Variants in LZTFL1 observed in about 807,000 individuals in gnomAD.
LZTFL1 encodes leucine zipper transcription factor like 1, also known as leucine zipper transcription factor-like protein 1.
Under a neutral mutation model 45.9 loss-of-function variants are expected in LZTFL1, and 25 were observed. The observed-to-expected ratio is 0.54, with a 90% confidence interval of 0.40 to 0.76. LZTFL1 has a LOEUF of 0.76. Among genes scored for constraint, LZTFL1 ranks in the 30% least tolerant of loss-of-function variants. LZTFL1 has a pLI of 0.00. For synonymous variants in LZTFL1, 93 were observed against 117.4 expected, an observed-to-expected ratio of 0.79 and a Z score of 1.35; for missense variants, 277 against 331.1, an observed-to-expected ratio of 0.84 and a Z score of 1.27.
chr3:45,901,301 C>T lies in LZTFL1; in HGVS notation c.-215+11819G>A, dbSNP rs1307785201. On this transcript the variant is annotated intron_variant, in intron 2 of 4. Coordinates refer to the LZTFL1 transcript ENST00000472635. The surrounding 1 kb of genome is among the most constrained non-coding windows in gnomAD (Gnocchi z 4.3). The stretch of plus-strand genomic sequence containing the variant: ...TGTACAGCAAAATGGTTTGCTTTAC[C>T]ATCTGGGTATTGGCAGCTGCTCTCT... 3 of 1,614,032 alleles carry T rather than the reference C, an allele frequency of 1.9e-6. No homozygotes were observed. The highest frequency in any genetic ancestry group is 2.5e-6 in the Non-Finnish European group (3 of 1,180,034).
In LZTFL1 at chr3:45,826,144, TTC is replaced by T. The variant is rs1700656663; in HGVS notation, c.*168_*169del. 15 of 623,200 alleles carry T rather than the reference TTC, an allele frequency of 2.4e-5. No homozygotes were observed. Among genetic ancestry groups the T allele is most frequent in the South Asian group, 2.1e-4 (10 of 48,318 alleles). 38.6% of individuals were successfully genotyped at this position (623,200 alleles called of 1,614,324 possible). On this transcript the variant is annotated 3_prime_UTR_variant, in exon 10 of 10. Coordinates refer to ENST00000296135, the MANE Select transcript of LZTFL1 (RefSeq NM_020347.4). The stretch of plus-strand genomic sequence containing the variant: ...GATGACCAGACAGAATCACTAGGTT[TTC>T]TCTGTTTTCAACTAGCTGAAAATAG...
At chr3:45,838,972 A>G (rs1457853266) in intron 1 of LZTFL1, among the ~76,000 whole-genome samples, 1 of 152,252 alleles carries the variant, frequency 6.6e-6, no homozygotes, top group Non-Finnish European at 1.5e-5. Context: ...ATAATTGACT[A>G]CCTACATTAG....
At chr3:45,833,168 C>T in intron 4 of LZTFL1, 47 bp from the exon 5 acceptor site, 1 of 1,291,458 alleles carries the variant, frequency 7.7e-7, no homozygotes. Flanking sequence ...CAGAATAAAG[C>T]ATGTATAATC....
chr3:45,839,925 C>G (rs1701062326), intron 1 of LZTFL1, among the ~76,000 whole-genome samples: 1 of 152,338 alleles, frequency 6.6e-6, no homozygotes, highest in South Asian at 2.1e-4. Flanking sequence ...TGCCTTCCTC[C>G]AAAACCTAGC....
chr3:45,876,431 C>T (rs1004112676), intron 2 of LZTFL1, among the ~76,000 whole-genome samples: 10 of 152,164 alleles, frequency 6.6e-5, no homozygotes, highest in African/African-American at 2.4e-4. Flanking sequence ...TACAGCAATC[C>T]TAGGGAATAG....
At chr3:45,860,226 ATAAG>A (rs1042870661) in intron 2 of LZTFL1, among the ~76,000 whole-genome samples, 14 of 152,304 alleles carry the variant, frequency 9.2e-5, no homozygotes, top group Middle Eastern at 3.4e-3. Context: ...AAATAAATAA[ATAAG>A]TAAGTAAAAT....
At chr3:45,879,934 T>C (rs1701821808) in intron 2 of LZTFL1, among the ~76,000 whole-genome samples, 1 of 152,140 alleles carries the variant, frequency 6.6e-6, no homozygotes, top group African/African-American at 2.4e-5. Flanking sequence ...TCACTAGAAA[T>C]GTTCCCTGGG....
At chr3:45,870,045 GA>G (rs1292682141) in intron 2 of LZTFL1, among the ~76,000 whole-genome samples, 1 of 152,222 alleles carries the variant, frequency 6.6e-6, no homozygotes, top group Non-Finnish European at 1.5e-5. Flanking sequence ...GTATAAACTA[GA>G]AAGTTGTAAT....
At chr3:45,854,961 A>G in intron 4 of LZTFL1, 2 of 1,474,296 alleles carry the variant, frequency 1.4e-6, no homozygotes, top group Non-Finnish European at 1.8e-6. Flanking sequence ...TAATTATAAT[A>G]TGTCAGATGC....
chr3:45,840,983 T>C (rs1701094711), intron 1 of LZTFL1, among the ~76,000 whole-genome samples: 1 of 152,250 alleles, frequency 6.6e-6, no homozygotes, highest in South Asian at 2.1e-4. Context: ...ATGAAGAACC[T>C]GAGCCTGATT....
At chr3:45,839,289 C>T (rs945509472) in intron 1 of LZTFL1, among the ~76,000 whole-genome samples, 2 of 152,076 alleles carry the variant, frequency 1.3e-5, no homozygotes, top group African/African-American at 2.4e-5. Context: ...GGGGTTTCAC[C>T]GTGTCAGCCA....
At chr3:45,913,280 C>A in intron 1 of LZTFL1, 2 of 823,032 alleles carry the variant, frequency 2.4e-6, no homozygotes, top group East Asian at 2.7e-5. Flanking sequence ...TTCATGAGGA[C>A]CTGCCACAAC....
chr3:45,902,035 G>A (rs1702576955), intron 2 of LZTFL1: 2 of 764,062 alleles, frequency 2.6e-6, no homozygotes, highest in Non-Finnish European at 4.1e-6. Context: ...ATGATTACTT[G>A]TAGTCAGAAT....
rs567458160 is a variant in LZTFL1, at chr3:45,826,001, T to C, written c.*313A>G. 2.3e-5 allele frequency: 7 copies of C among 301,708 alleles called. No homozygotes were observed. The highest frequency in any genetic ancestry group is 1.4e-4 in the South Asian group (1 of 7,114). 18.7% of individuals were successfully genotyped at this position (301,708 alleles called of 1,614,324 possible). The stretch of plus-strand genomic sequence containing the variant: ...ACATTTATTAAAAATACAGACTCTT[T>C]ATACTAATGCAGAAGGATAAGCCTC... On this transcript the variant is annotated 3_prime_UTR_variant, in exon 10 of 10. Coordinates refer to ENST00000296135, the MANE Select transcript of LZTFL1 (RefSeq NM_020347.4).
chr3:45,880,575 G>A (rs1215319050), intron 2 of LZTFL1, among the ~76,000 whole-genome samples: 3 of 152,162 alleles, frequency 2.0e-5, no homozygotes, highest in Non-Finnish European at 2.9e-5. Flanking sequence ...CCTGGCATCA[G>A]GTGAAAACTA....
At chr3:45,891,181 A>T (rs1575295091) in intron 2 of LZTFL1, among the ~76,000 whole-genome samples, 2 of 152,358 alleles carry the variant, frequency 1.3e-5, no homozygotes, top group East Asian at 3.9e-4. Context: ...GTGAATGCCC[A>T]GGTGGCTGGG....
chr3:45,913,119 C>G lies in LZTFL1; in HGVS notation c.-215+1G>C, dbSNP rs1409682999. On this transcript the variant is annotated splice_donor_variant, in intron 2 of 4. Transcript: ENST00000472635. LOFTEE classifies it low-confidence loss of function (5UTR_SPLICE). Reference sequence around the variant, plus strand: ...ATGTTCTGTAAATGGTTCAGACTTACCATCTTCCCTGGGTCTTGGTTCCTC... The same window carrying G: ...ATGTTCTGTAAATGGTTCAGACTTAGCATCTTCCCTGGGTCTTGGTTCCTC... 1 of 1,536,034 alleles carries G rather than the reference C, an allele frequency of 6.5e-7. No homozygotes were observed.
chr3:45,913,842 G>A (rs991190708), intron 1 of LZTFL1, among the ~76,000 whole-genome samples: 4 of 152,130 alleles, frequency 2.6e-5, no homozygotes, highest in African/African-American at 9.7e-5. Context: ...ATTTGGACAT[G>A]TATGGAACTC....
chr3:45,873,893 C>T (rs1008681135), intron 2 of LZTFL1, among the ~76,000 whole-genome samples: 2 of 152,164 alleles, frequency 1.3e-5, no homozygotes, highest in African/African-American at 4.8e-5. Context: ...TCTAATATAA[C>T]CTTTGTAGTC....
Sources: allele counts gnomAD v4.1 joint callset (sites outside exome capture counted in the v4.1 genomes callset), GRCh38; gene constraint gnomAD v4.1.1; non-coding constraint Gnocchi (gnomAD v3.1); transcripts MANE v1.5; gene names NCBI Gene and HGNC (gene_info 2026-07-23, HGNC 2026-07-21).